TMEM178A: variants seen among roughly 807,000 people sequenced by gnomAD.
The protein encoded by TMEM178A is transmembrane protein 178A, also known as transmembrane protein 178.
In TMEM178A, 12 loss-of-function variants were observed where a neutral mutation model predicts 29.1. That is an observed-to-expected ratio of 0.41 (90% confidence interval 0.26 to 0.67). The LOEUF (loss-of-function observed/expected upper bound fraction) is 0.67. Ranked by LOEUF, TMEM178A falls within the 30% of genes least tolerant of loss-of-function variation. The pLI, the probability that TMEM178A is intolerant of heterozygous loss-of-function variation, is 0.29. For synonymous variants in TMEM178A, 210 were observed against 187.2 expected, an observed-to-expected ratio of 1.12 and a Z score of -0.99; for missense variants, 366 against 419.1, an observed-to-expected ratio of 0.87 and a Z score of 1.11.
chr2:39,685,944 T>C (rs755872259), intron 1 of TMEM178A, among the ~76,000 whole-genome samples: 34 of 152,204 alleles, frequency 2.2e-4, no homozygotes, highest in Non-Finnish European at 2.6e-4. Flanking sequence ...TGTTTTGGCT[T>C]ACTGTGGGTC....
At chr2:39,706,399 G>A (rs1672036087) in intron 2 of TMEM178A, among the ~76,000 whole-genome samples, 4 of 152,216 alleles carry the variant, frequency 2.6e-5, no homozygotes, top group Admixed American at 2.0e-4. Context: ...GGGTGTTTAT[G>A]AGCACATGTA....
At chr2:39,714,354 C>CA (rs57835524) in intron 3 of TMEM178A, among the ~76,000 whole-genome samples, 3,693 of 147,398 alleles carry the variant, frequency 0.025, 157 homozygotes, top group African/African-American at 0.086. Context: ...TGCCCTGTTC[C>CA]AAAAAAAAAA....
At chr2:39,729,139 C>T in the TMEM178A span, among the ~76,000 whole-genome samples, 1 of 152,126 alleles carries the variant, frequency 6.6e-6, no homozygotes, top group African/African-American at 2.4e-5. Context: ...ATCTAGGGGA[C>T]TACACAACCA....
chr2:39,677,443 C>G lies in TMEM178A; in HGVS notation c.400+11069C>G, dbSNP rs143336141. On this transcript the variant is annotated intron_variant, in intron 1 of 3. Transcript: ENST00000281961. Reference sequence around the variant, plus strand: ...AAGAAAATTAGCAAATCACTCCTTGCTATTGCCAGTGTCCTGGTGTGTTGA... The same window carrying G: ...AAGAAAATTAGCAAATCACTCCTTGGTATTGCCAGTGTCCTGGTGTGTTGA... Among the ~76,000 whole-genome samples, 407 of 152,234 alleles carry G rather than the reference C, an allele frequency of 2.7e-3. 3 individuals carry two copies. Among genetic ancestry groups the G allele is most frequent in the African/African-American group, 9.5e-3 (394 of 41,528 alleles).
downstream of TMEM178A, among the ~76,000 whole-genome samples, chr2:39,721,108 C>T (rs763200782): frequency 4.6e-5 from 7 of 152,214 alleles, no homozygotes; most frequent in African/African-American, 1.7e-4. Context: ...GCTATCCTGA[C>T]GAAGAACACA....
chr2:39,708,639 G>A (rs192063572), intron 3 of TMEM178A, among the ~76,000 whole-genome samples: 4,006 of 151,334 alleles, frequency 0.026, 180 homozygotes, highest in African/African-American at 0.09. Context: ...GGATGGTCTC[G>A]ATCTCCTGAC....
At chr2:39,691,239 G>A (rs1034630079) in intron 1 of TMEM178A, among the ~76,000 whole-genome samples, 3 of 152,150 alleles carry the variant, frequency 2.0e-5, no homozygotes, top group Admixed American at 6.5e-5. Context: ...TTAATAGGCT[G>A]AACATCAAGA....
intron 1 of TMEM178A, among the ~76,000 whole-genome samples, chr2:39,702,311 A>G (rs916427158): frequency 6.6e-6 from 1 of 152,118 alleles, no homozygotes; most frequent in African/African-American, 2.4e-5. Flanking sequence ...TGGTAAACTA[A>G]TTATTGTACA....
At chr2:39,707,219 C>A (rs768764330) in intron 3 of TMEM178A, 33 bp downstream of exon 3, 2 of 1,584,738 alleles carry the variant, frequency 1.3e-6, no homozygotes, top group Non-Finnish European at 8.6e-7. Context: ...TCTGTCCCAG[C>A]CAAGGTGAAG....
chr2:39,723,976 T>C, the TMEM178A span, among the ~76,000 whole-genome samples: 1 of 152,248 alleles, frequency 6.6e-6, no homozygotes, highest in African/African-American at 2.4e-5. Context: ...AGCTTCTATA[T>C]TTCTAAGCCA....
At chr2:39,706,615 C>A (rs943217924) in intron 2 of TMEM178A, among the ~76,000 whole-genome samples, 4 of 128,822 alleles carry the variant, frequency 3.1e-5, no homozygotes, top group African/African-American at 1.0e-4. Context: ...AGGGTAGTAA[C>A]CTACATTTCT....
At position 39,708,409 on chromosome 2, in the gene TMEM178A, ATTTTTTTT is replaced by A. The variant is rs956611778; in HGVS notation, c.652+1243_652+1250del. On this transcript the variant is annotated intron_variant, in intron 3 of 3. Coordinates refer to ENST00000281961, the MANE Select transcript of TMEM178A (RefSeq NM_152390.3). ...AGGTTTGAAGCAAAGGAGTGACTTG[ATTTTTTTT>A]TTTTTTTTTTTTTTTTTTTGAGACG... Among the ~76,000 whole-genome samples, 384 of 69,690 alleles carry A rather than the reference ATTTTTTTT, an allele frequency of 5.5e-3. 3 individuals are homozygous for A. Among genetic ancestry groups the A allele is most frequent in the African/African-American group, 0.021 (364 of 17,634 alleles). 45.7% of individuals were successfully genotyped at this position (69,690 alleles called of 152,430 possible). A position where few individuals can be genotyped will look rare whatever the true frequency, so the allele number is the denominator to read the frequency against.
chr2:39,679,381 T>C (rs1670772748), intron 1 of TMEM178A, among the ~76,000 whole-genome samples: 1 of 134,410 alleles, frequency 7.4e-6, no homozygotes, highest in African/African-American at 2.7e-5. Flanking sequence ...CCAAAGAAGA[T>C]AAGGTACTTG....
chr2:39,694,890 TG>T (rs1671471625), intron 1 of TMEM178A, among the ~76,000 whole-genome samples: 1 of 152,234 alleles, frequency 6.6e-6, no homozygotes, highest in African/African-American at 2.4e-5. Context: ...CTTTCAGTTC[TG>T]TAGACCTGAT....
In TMEM178A at chr2:39,705,685, A is replaced by G. The variant is rs6742453; in HGVS notation, c.515-1364A>G. Among the ~76,000 whole-genome samples, 528 of 152,332 alleles carry G rather than the reference A, an allele frequency of 3.5e-3. 3 individuals carry two copies. Among genetic ancestry groups the G allele is most frequent in the African/African-American group, 0.012 (512 of 41,574 alleles). On this transcript the variant is annotated intron_variant, in intron 2 of 3. Coordinates refer to ENST00000281961, the MANE Select transcript of TMEM178A (RefSeq NM_152390.3). The stretch of plus-strand genomic sequence containing the variant: ...CTCTGTGGCTAAGGTGCTAAGAGCA[A>G]GACTGGAAGCTACTGTAATCCATCC...
At chr2:39,718,025 G>T (rs982180404), downstream of TMEM178A, 3 of 152,590 alleles carry the variant, frequency 2.0e-5, no homozygotes, top group African/African-American at 7.2e-5. Context: ...CATAAGGACA[G>T]AGGAAAACTC....
chr2:39,705,510 A>C (rs1671985780), intron 2 of TMEM178A, among the ~76,000 whole-genome samples: 1 of 152,192 alleles, frequency 6.6e-6, no homozygotes, highest in Non-Finnish European at 1.5e-5. Flanking sequence ...TTATACCCTT[A>C]ACATTAAACT....
At chr2:39,671,143 G>A (rs1670393001) in intron 1 of TMEM178A, among the ~76,000 whole-genome samples, 1 of 152,190 alleles carries the variant, frequency 6.6e-6, no homozygotes, top group South Asian at 2.1e-4. Flanking sequence ...ATCAAAGACA[G>A]TGGGTCATAA....
chr2:39,687,075 C>T (rs1404791898), intron 1 of TMEM178A, among the ~76,000 whole-genome samples: 1 of 151,644 alleles, frequency 6.6e-6, no homozygotes, highest in Non-Finnish European at 1.5e-5. Context: ...TGCAAGTTGT[C>T]TCACCCTCTC....
Sources: gnomAD v4.1 joint callset for allele counts (sites outside exome capture counted in the v4.1 genomes callset) on GRCh38, gnomAD v4.1.1 for gene constraint, MANE v1.5 for transcripts, NCBI Gene and HGNC (gene_info 2026-07-23, HGNC 2026-07-21) for gene names.